Variants in XKR4 observed in about 807,000 individuals in gnomAD.
XKR4 encodes XK related 4.
In XKR4, 12 loss-of-function variants were observed where a neutral mutation model predicts 53.9. The observed-to-expected ratio is 0.22, with a 90% CI of 0.14 to 0.36. The LOEUF is 0.36. Ranked by LOEUF, XKR4 falls within the 10% of genes least tolerant of loss-of-function variation. The probability of loss-of-function intolerance (pLI) is 1.00; values close to 1 mark genes in which losing one functional copy is unlikely to be tolerated. For synonymous variants in XKR4, 354 were observed against 362.4 expected (o/e 0.98, Z 0.26); for missense variants, 799 against 859.5 (o/e 0.93, Z 0.88).
chr8:55,125,338 GA>G, intron 1 of XKR4, among the ~76,000 whole-genome samples: 1 of 4,008 alleles, frequency 2.5e-4, no homozygotes, highest in Non-Finnish European at 4.8e-4. Context: ...TCAAGCGATT[GA>G]TTCTCCTGCC....
chr8:55,507,785 T>C (rs1039460153), intron 2 of XKR4, among the ~76,000 whole-genome samples: 1 of 152,214 alleles, frequency 6.6e-6, no homozygotes, highest in Non-Finnish European at 1.5e-5. Flanking sequence ...TCTTTGCTAT[T>C]GTGAATAATG....
intron 2 of XKR4, among the ~76,000 whole-genome samples, chr8:55,457,499 A>C (rs1201591324): frequency 2.0e-5 from 3 of 152,296 alleles, no homozygotes; most frequent in African/African-American, 7.2e-5. Flanking sequence ...ACTATTCCCC[A>C]AAAAATAAAA....
intron 1 of XKR4, among the ~76,000 whole-genome samples, chr8:55,349,535 G>T (rs1471237842): frequency 6.6e-6 from 1 of 152,122 alleles, no homozygotes; most frequent in Non-Finnish European, 1.5e-5. Flanking sequence ...TATGTGGTAG[G>T]AATTTGTCAG....
chr8:55,434,425 G>T (rs1805146124), intron 2 of XKR4, among the ~76,000 whole-genome samples: 1 of 151,778 alleles, frequency 6.6e-6, no homozygotes, highest in South Asian at 2.1e-4. Flanking sequence ...GTGTGTGTGT[G>T]TGTGTGTGTG....
At chr8:55,191,077 G>T (rs919314760) in intron 1 of XKR4, among the ~76,000 whole-genome samples, 1 of 152,156 alleles carries the variant, frequency 6.6e-6, no homozygotes, top group African/African-American at 2.4e-5. Flanking sequence ...TTAGTCTGTA[G>T]CTCTGTGGAA....
In XKR4 at chr8:55,524,065, T is replaced by G. The variant is rs1806845923; in HGVS notation, c.1791T>G (p.Ile597Met). 6.2e-7 allele frequency: 1 copy of G among 1,614,106 alleles called. No individual in the cohort carries two copies. Among genetic ancestry groups the G allele is most frequent in the Admixed American group, 1.7e-5 (1 of 59,996 alleles). The change falls in exon 3 of 3, where the codon ATT becomes ATG. Residue 597 changes from isoleucine (I) to methionine (M), a missense_variant. This residue lies in a region of XKR4 where 269 missense variants were observed against 264.4 expected (regional missense o/e 1.02). Transcript: ENST00000327381. The stretch of plus-strand genomic sequence containing the variant: ...GGATTGAAGAATCAGTCATTAAAAT[T>G]GACTTGTTCAGGAATAGGTACCCAG... ...PPRIEESVIK[I>M]DLFRNRYPAW...
rs1804214453 is a variant in XKR4, at chr8:55,380,418, G to T, written c.1006+22541G>T. On this transcript the variant is annotated intron_variant, in intron 2 of 2. Coordinates refer to ENST00000327381, the MANE Select transcript of XKR4 (RefSeq NM_052898.2). ...CTCTCATAATAACCAAAATTATCCA[G>T]CAAAGACATGTTCATTTTAAATGTT... 2.0e-5 allele frequency among the ~76,000 whole-genome samples: 3 copies of T among 152,170 alleles called. No homozygotes were observed. The South Asian group carries it at 6.2e-4, about 32-fold the overall frequency.
rs1486031238 is a variant in XKR4, at chr8:55,528,102, T to A, written c.*3875T>A. ...TATATAAAGTGGTATGTTATGCATA[T>A]AAATTGTACATAAACTTTTTAGAAA... On this transcript the variant is annotated 3_prime_UTR_variant, in exon 3 of 3. Transcript: ENST00000327381. 2.0e-5 allele frequency: 3 copies of A among 152,220 alleles called. No homozygotes were observed. The highest frequency in any genetic ancestry group is 1.3e-4 in the Admixed American group (2 of 15,288). 9.4% of individuals were successfully genotyped at this position (152,220 alleles called of 1,614,324 possible).
chr8:55,259,740 AC>A (rs1161281218), intron 1 of XKR4, among the ~76,000 whole-genome samples: 1 of 152,222 alleles, frequency 6.6e-6, no homozygotes, highest in African/African-American at 2.4e-5. Flanking sequence ...TCAGTGGAGA[AC>A]CGAAAGGCTT....
intron 2 of XKR4, among the ~76,000 whole-genome samples, chr8:55,462,403 A>C (rs886919342): frequency 3.9e-5 from 6 of 152,106 alleles, no homozygotes; most frequent in Middle Eastern, 3.2e-3. Flanking sequence ...GAAATAAAAT[A>C]CTTTACAGAC....
chr8:55,465,499 A>C (rs904644488), intron 2 of XKR4, among the ~76,000 whole-genome samples: 13 of 152,060 alleles, frequency 8.5e-5, no homozygotes, highest in Non-Finnish European at 1.3e-4. Context: ...GATGGATTAA[A>C]GACTTAAATG....
At chr8:55,153,700 A>G (rs1816868644) in intron 1 of XKR4, among the ~76,000 whole-genome samples, 1 of 152,198 alleles carries the variant, frequency 6.6e-6, no homozygotes, top group African/African-American at 2.4e-5. Flanking sequence ...TTGATGACAA[A>G]TCTTAACTGT....
At chr8:55,283,047 C>A (rs1227051617) in intron 1 of XKR4, among the ~76,000 whole-genome samples, 1 of 152,184 alleles carries the variant, frequency 6.6e-6, no homozygotes, top group African/African-American at 2.4e-5. Context: ...CAGTCACATG[C>A]TGTACAGGTG....
intron 1 of XKR4, among the ~76,000 whole-genome samples, chr8:55,187,073 C>A (rs1817388722): frequency 6.6e-6 from 1 of 151,914 alleles, no homozygotes; most frequent in Non-Finnish European, 1.5e-5. Flanking sequence ...CTGTCATGCA[C>A]AGTTTAGTAC....
chr8:55,303,301 AT>A (rs1476425580), intron 1 of XKR4, among the ~76,000 whole-genome samples: 1 of 152,216 alleles, frequency 6.6e-6, no homozygotes, highest in Non-Finnish European at 1.5e-5. Flanking sequence ...GATTACATTT[AT>A]TGATTTGTGT....
intron 1 of XKR4, among the ~76,000 whole-genome samples, chr8:55,197,021 G>T (rs1383756839): frequency 6.6e-6 from 1 of 152,126 alleles, no homozygotes; most frequent in Admixed American, 6.5e-5. Flanking sequence ...AGCCCATAAT[G>T]GAGACAAGTG....
At chr8:55,259,680 T>C (rs1322395287) in intron 1 of XKR4, among the ~76,000 whole-genome samples, 3 of 152,186 alleles carry the variant, frequency 2.0e-5, no homozygotes, top group Non-Finnish European at 2.9e-5. Flanking sequence ...TGTAATGATG[T>C]AAATTATTAG....
chr8:55,312,302 A>G (rs1367587052), intron 1 of XKR4, among the ~76,000 whole-genome samples: 1 of 152,220 alleles, frequency 6.6e-6, no homozygotes, highest in African/African-American at 2.4e-5. Context: ...AAAATATAAT[A>G]ACAAAAATTC....
chr8:55,305,514 A>G (rs767835271), intron 1 of XKR4, among the ~76,000 whole-genome samples: 66 of 146,860 alleles, frequency 4.5e-4, no homozygotes, highest in Non-Finnish European at 1.2e-4. Flanking sequence ...ACTGGAAGGC[A>G]GAAGATTCAG....
Sources: allele counts gnomAD v4.1 joint callset (sites outside exome capture counted in the v4.1 genomes callset), GRCh38; gene constraint gnomAD v4.1.1; regional missense constraint gnomAD v4.1.1; transcripts MANE v1.5; gene names NCBI Gene and HGNC (gene_info 2026-07-23, HGNC 2026-07-21).